Variants in IQCJ observed in about 807,000 individuals in gnomAD.
IQCJ encodes the protein IQ motif containing J.
IQCJ carries 9 observed loss-of-function variants against 11.0 expected under a neutral mutation model. That is an observed-to-expected ratio of 0.82 (90% CI 0.49 to 1.43). The LOEUF (loss-of-function observed/expected upper bound fraction) is 1.43, where lower values mean the gene tolerates loss of function less well. IQCJ is among the 40% of genes most tolerant of loss of function. The probability of loss-of-function intolerance (pLI) is 0.00; values close to 1 mark genes in which losing one functional copy is unlikely to be tolerated. For missense variants in IQCJ, 146 were observed against 133.2 expected (o/e 1.10, Z -0.47); for synonymous variants, 55 against 51.3 (o/e 1.07, Z -0.31).
chr3:159,257,292 C>T (rs1727949210), intron 3 of IQCJ, among the ~76,000 whole-genome samples: 2 of 152,166 alleles, frequency 1.3e-5, no homozygotes, highest in South Asian at 2.1e-4. Flanking sequence ...TATTGCAGGA[C>T]CACTATTTTC....
intron 1 of IQCJ, among the ~76,000 whole-genome samples, chr3:159,134,378 C>T (rs1720166155): frequency 6.6e-6 from 1 of 152,150 alleles, no homozygotes; most frequent in South Asian, 2.1e-4. Context: ...AGAGCGTGAA[C>T]ACCAGTAAGT....
intron 1 of IQCJ, among the ~76,000 whole-genome samples, chr3:159,160,715 A>G (rs1373804396): frequency 8.5e-6 from 1 of 118,270 alleles, no homozygotes; most frequent in Non-Finnish European, 1.6e-5. Context: ...CCAGAGTGTG[A>G]TGTTCCCCTT....
intron 1 of IQCJ, among the ~76,000 whole-genome samples, chr3:159,209,698 ACTCACCTGCATGCT>A: frequency 6.6e-6 from 1 of 151,864 alleles, no homozygotes; most frequent in African/African-American, 2.4e-5. Flanking sequence ...TCCTGCACCC[ACTCACCTGCATGCT>A]CTCCCTCCCA....
chr3:159,074,046 T>C (rs1312578047), intron 1 of IQCJ, among the ~76,000 whole-genome samples: 1 of 152,034 alleles, frequency 6.6e-6, no homozygotes, highest in Non-Finnish European at 1.5e-5. Context: ...GGAGAATATA[T>C]GGAAATTAAT....
intron 1 of IQCJ, among the ~76,000 whole-genome samples, chr3:159,205,926 A>G (rs925797924): frequency 3.9e-5 from 6 of 151,958 alleles, no homozygotes; most frequent in African/African-American, 1.5e-4. Flanking sequence ...CCCCTACCCA[A>G]CCCTGGACAC....
chr3:159,138,164 C>A (rs1373124397), intron 1 of IQCJ, among the ~76,000 whole-genome samples: 1 of 152,178 alleles, frequency 6.6e-6, no homozygotes, highest in African/African-American at 2.4e-5. Context: ...CAGTTGGAGG[C>A]CTGTTCTTTT....
chr3:159,155,831 G>A (rs1006201273), intron 1 of IQCJ, among the ~76,000 whole-genome samples: 9 of 152,150 alleles, frequency 5.9e-5, no homozygotes, highest in African/African-American at 1.9e-4. Context: ...AGCAATCCTG[G>A]ACTTGTGGCT....
At chr3:159,142,434 C>G (rs1225729351) in intron 1 of IQCJ, among the ~76,000 whole-genome samples, 3 of 18,110 alleles carry the variant, frequency 1.7e-4, no homozygotes, top group Admixed American at 5.5e-4. Flanking sequence ...CCCCCCCCCA[C>G]CAGATGGAGT....
At chr3:159,143,450 G>T (rs1035532454) in intron 1 of IQCJ, among the ~76,000 whole-genome samples, 1 of 151,646 alleles carries the variant, frequency 6.6e-6, no homozygotes. Context: ...TCATCCCTTC[G>T]TTGCTCTTTT....
chr3:159,193,460 T>C (rs571273817), intron 1 of IQCJ, among the ~76,000 whole-genome samples: 1 of 152,328 alleles, frequency 6.6e-6, no homozygotes, highest in Non-Finnish European at 1.5e-5. Context: ...CATACTCATC[T>C]GAGTATACCC....
chr3:159,096,265 G>A (rs1717743552), intron 1 of IQCJ, among the ~76,000 whole-genome samples: 1 of 148,364 alleles, frequency 6.7e-6, no homozygotes, highest in Non-Finnish European at 1.5e-5. Context: ...CTGGATATTA[G>A]CCCTTTGTCA....
At chr3:159,149,252 T>C (rs1721074735) in intron 1 of IQCJ, among the ~76,000 whole-genome samples, 2 of 152,228 alleles carry the variant, frequency 1.3e-5, no homozygotes, top group African/African-American at 2.4e-5. Context: ...GAGAAAACAG[T>C]GTTCAATGTG....
chr3:159,153,677 A>G (rs560751152), intron 1 of IQCJ, among the ~76,000 whole-genome samples: 2 of 152,350 alleles, frequency 1.3e-5, no homozygotes, highest in South Asian at 4.1e-4. Flanking sequence ...GAAAAGCTAT[A>G]GTGGGCATCT....
intron 1 of IQCJ, among the ~76,000 whole-genome samples, chr3:159,203,340 T>G (rs1724459812): frequency 6.6e-6 from 1 of 150,792 alleles, no homozygotes; most frequent in Admixed American, 6.6e-5. Flanking sequence ...TGCAGCTCAG[T>G]GAGCTGAAGA....
intron 1 of IQCJ, among the ~76,000 whole-genome samples, chr3:159,083,613 T>C (rs1716486499): frequency 6.6e-6 from 1 of 152,148 alleles, no homozygotes; most frequent in African/African-American, 2.4e-5. Context: ...GTTGGACATT[T>C]ATCTCACAAA....
At chr3:159,159,741 G>A (rs368782791) in intron 1 of IQCJ, among the ~76,000 whole-genome samples, 1 of 152,146 alleles carries the variant, frequency 6.6e-6, no homozygotes, top group East Asian at 1.9e-4. Context: ...TGGGCCATGA[G>A]GGTGGATCCC....
intron 3 of IQCJ, 37 bp downstream of exon 3, chr3:159,252,844 C>T (rs752456404): frequency 5.7e-6 from 9 of 1,577,934 alleles, no homozygotes; most frequent in Non-Finnish European, 7.8e-6. Context: ...GCAATTAGTT[C>T]TAGTTTTATG....
chr3:159,115,193 C>T (rs1405674170), intron 1 of IQCJ, among the ~76,000 whole-genome samples: 1 of 152,130 alleles, frequency 6.6e-6, no homozygotes, highest in Admixed American at 6.5e-5. Context: ...ATTTCTTGTC[C>T]ACTCTCCGTT....
At chr3:159,106,790 C>T (rs939693632) in intron 1 of IQCJ, among the ~76,000 whole-genome samples, 1 of 152,120 alleles carries the variant, frequency 6.6e-6, no homozygotes, top group Non-Finnish European at 1.5e-5. Context: ...TTCTGACTGA[C>T]CAGCTATGAA....
Sources: gnomAD v4.1 joint callset for allele counts (sites outside exome capture counted in the v4.1 genomes callset) on GRCh38, gnomAD v4.1.1 for gene constraint, MANE v1.5 for transcripts, NCBI Gene and HGNC (gene_info 2026-07-23, HGNC 2026-07-21) for gene names.